Variants in EXPH5 observed in about 807,000 individuals in gnomAD.
EXPH5 encodes the protein exophilin 5.
EXPH5 carries 42 observed loss-of-function variants against 41.1 expected under a neutral mutation model. That is an observed-to-expected ratio of 1.02 (90% CI 0.80 to 1.32). EXPH5 has a LOEUF of 1.32. Among genes scored for constraint, EXPH5 ranks in the 40% most tolerant of loss-of-function variants. The probability of loss-of-function intolerance (pLI) is 0.00; values close to 1 mark genes in which losing one functional copy is unlikely to be tolerated. For missense variants in EXPH5, 2,298 were observed against 2,314.5 expected (o/e 0.99, Z 0.15); for synonymous variants, 798 against 833.5 (o/e 0.96, Z 0.73).
In EXPH5 at chr11:108,539,152, AT is replaced by A. The variant is rs772652329; in HGVS notation, c.314del (p.Asn105MetfsTer2). On this transcript the variant is annotated frameshift_variant, in exon 3 of 6. Coordinates refer to ENST00000265843, the MANE Select transcript of EXPH5 (RefSeq NM_015065.3). LOFTEE classifies it high-confidence loss of function. ...PIELPTSRSK[N>X]VTNQKKPTPF... ...GTGTCGGCTTTTTTTGATTAGTTAC[AT>A]TTTTAGATCTTGATGTAGGTAATTC... 11 of 1,607,812 alleles carry A rather than the reference AT, an allele frequency of 6.8e-6. No individual in the cohort carries two copies. The highest frequency in any genetic ancestry group is 9.3e-6 in the Non-Finnish European group (11 of 1,177,354).
rs571122664 is a variant in EXPH5 at position 108,524,930 on chromosome 11, C to T, written c.492+3206G>A. On this transcript the variant is annotated intron_variant, in intron 4 of 5. Coordinates refer to ENST00000265843, the MANE Select transcript of EXPH5 (RefSeq NM_015065.3). Reference sequence around the variant, plus strand: ...TTCGGTTGTGTCCCCAACCAAATCTCATCTTGAACTGTAGCTCCTATAATT... The same window carrying T: ...TTCGGTTGTGTCCCCAACCAAATCTTATCTTGAACTGTAGCTCCTATAATT... 1.3e-3 allele frequency among the ~76,000 whole-genome samples: 198 copies of T among 152,312 alleles called. 3 individuals are homozygous for T. The highest frequency in any genetic ancestry group is 2.2e-3 in the Non-Finnish European group (147 of 68,036).
At chr11:108,582,234 C>CG (rs906811422) in intron 1 of EXPH5, among the ~76,000 whole-genome samples, 4 of 151,898 alleles carry the variant, frequency 2.6e-5, no homozygotes, top group African/African-American at 4.8e-5. Flanking sequence ...GAGGCTGGGG[C>CG]GGGGGATCAC....
rs1158221233 is a variant in EXPH5, at chr11:108,511,281, T to C, written c.4226A>G (p.Lys1409Arg). 4.4e-6 allele frequency: 7 copies of C among 1,604,948 alleles called. No homozygotes were observed. The highest frequency in any genetic ancestry group is 5.9e-6 in the Non-Finnish European group (7 of 1,177,542). Residue 1409 changes from lysine (K) to arginine (R), a missense_variant, in exon 6 of 6, where the codon AAA becomes AGA. Lys to Arg is a conservative substitution (Grantham distance 26, BLOSUM62 2). Transcript: ENST00000265843. ...AATGGATTGTTGACAATTTTCAGAT[T>C]TTTCTTCGGATACATTTTTTCTCTG... Reference protein sequence around the residue: ...MLQRKNVSEEKSENCQQSINS... With the variant: ...MLQRKNVSEERSENCQQSINS...
intron 1 of EXPH5, among the ~76,000 whole-genome samples, chr11:108,560,011 C>T (rs2094004938): frequency 6.6e-6 from 1 of 152,192 alleles, no homozygotes. Flanking sequence ...GAGACTCTCA[C>T]CACCCTCCTT....
Position 108,511,371 on chromosome 11 carries a change from G to A in EXPH5, c.4136C>T (p.Ser1379Leu). The A allele has an allele frequency of 6.3e-7, 1 of 1,584,842 alleles. No individual in the cohort carries two copies. Among genetic ancestry groups the A allele is most frequent in the Non-Finnish European group, 8.6e-7 (1 of 1,169,180 alleles). ...DNLAKTPLGDSENKKERGKKL... is the reference protein window; with the variant it reads ...DNLAKTPLGDLENKKERGKKL... ...TTTGCCTCTTTCCTTCTTGTTTTCT[G>A]AATCACCTAGAGGTGTTTTAGCTAA... Residue 1379 changes from serine (S) to leucine (L), a missense_variant, in exon 6 of 6, where the codon TCA (serine) becomes TTA (leucine). Transcript: ENST00000265843.
chr11:108,546,623 C>T (rs1591721730), intron 1 of EXPH5, among the ~76,000 whole-genome samples: 1 of 152,216 alleles, frequency 6.6e-6, no homozygotes, highest in East Asian at 1.9e-4. Flanking sequence ...CTTAACATTA[C>T]CAAAACTTTA....
chr11:108,558,845 C>T (rs930317849), intron 1 of EXPH5, among the ~76,000 whole-genome samples: 4 of 152,066 alleles, frequency 2.6e-5, no homozygotes, highest in African/African-American at 7.2e-5. Context: ...TGATGCTGGG[C>T]GCTTCCACCT....
At chr11:108,522,412 T>C (rs2093770943) in intron 4 of EXPH5, among the ~76,000 whole-genome samples, 1 of 152,172 alleles carries the variant, frequency 6.6e-6, no homozygotes, top group African/African-American at 2.4e-5. Context: ...AACTACCCTA[T>C]GGAGTTGGTA....
At chr11:108,595,852 T>C (rs1451297304), upstream of EXPH5, among the ~76,000 whole-genome samples, 3 of 152,154 alleles carry the variant, frequency 2.0e-5, no homozygotes, top group Middle Eastern at 3.2e-3. Flanking sequence ...CTAGACTTCA[T>C]TGTGTAAGCA....
Position 108,510,176 on chromosome 11 carries a change from T to C in EXPH5, c.5331A>G (p.Gln1777=). The change falls in exon 6 of 6, where the codon CAA becomes CAG. Residue 1777 remains glutamine (Q), a synonymous_variant. Coordinates refer to ENST00000265843, the MANE Select transcript of EXPH5 (RefSeq NM_015065.3). ...CCCACTCCAGAGATGAAGCACTCCT[T>C]TGTTGCTGCAGAAAACTGGCCAGTG... The part of the protein sequence containing the change: ...SSPLASFLQQ[Q]RSASSLEWEP... 2 of 1,614,038 alleles carry C rather than the reference T, an allele frequency of 1.2e-6. No individual in the cohort carries two copies. Among genetic ancestry groups the C allele is most frequent in the Non-Finnish European group, 1.7e-6 (2 of 1,180,022 alleles).
intron 3 of EXPH5, among the ~76,000 whole-genome samples, chr11:108,531,688 C>A (rs1465715625): frequency 6.6e-6 from 1 of 152,206 alleles, no homozygotes; most frequent in Non-Finnish European, 1.5e-5. Context: ...CTAACTGGAA[C>A]CCTGGGTGAT....
chr11:108,575,833 G>A (rs1465481603), intron 1 of EXPH5, among the ~76,000 whole-genome samples: 1 of 152,130 alleles, frequency 6.6e-6, no homozygotes, highest in Admixed American at 6.5e-5. Flanking sequence ...AATTAGCCGG[G>A]TGTGGTGGCA....
intron 1 of EXPH5, among the ~76,000 whole-genome samples, chr11:108,544,215 C>T (rs957622094): frequency 3.3e-5 from 5 of 152,158 alleles, no homozygotes; most frequent in African/African-American, 4.8e-5. Flanking sequence ...CTAGAGACAA[C>T]GTCTCACTCT....
At chr11:108,596,559 C>T (rs114259219), upstream of EXPH5, among the ~76,000 whole-genome samples, 1,671 of 152,268 alleles carry the variant, frequency 0.011, 26 homozygotes, top group African/African-American at 0.038. Flanking sequence ...AATTCATCCA[C>T]ATGGCAATTT....
At chr11:108,598,665 C>T (rs952810430), upstream of EXPH5, among the ~76,000 whole-genome samples, 4 of 152,066 alleles carry the variant, frequency 2.6e-5, no homozygotes, top group South Asian at 2.1e-4. Flanking sequence ...TTTGCTAAGA[C>T]ACAGGAGAAG....
rs952498780 is a variant in EXPH5 at position 108,505,651 on chromosome 11, G to A, written c.*3886C>T. ...GGCAATACAGCCACAAACTTGCCTG[G>A]GAAGTAAAATATTTTACATATTTAC... is the stretch of plus-strand genomic sequence containing the variant. On this transcript the variant is annotated 3_prime_UTR_variant, in exon 6 of 6. Coordinates refer to ENST00000265843, the MANE Select transcript of EXPH5 (RefSeq NM_015065.3). The A allele has an allele frequency of 6.6e-6, 1 of 152,076 alleles. No individual in the cohort carries two copies. The highest frequency in any genetic ancestry group is 1.5e-5 in the Non-Finnish European group (1 of 68,022). 9.4% of individuals were successfully genotyped at this position (152,076 alleles called of 1,614,324 possible).
chr11:108,510,581 CA>C lies in EXPH5; in HGVS notation c.4925del (p.Leu1642ArgfsTer18), dbSNP rs764675219. 6.2e-7 allele frequency: 1 copy of C among 1,614,068 alleles called. No individual in the cohort carries two copies. The highest frequency in any genetic ancestry group is 8.5e-7 in the Non-Finnish European group (1 of 1,179,972). Reference sequence around the variant, plus strand: ...CAGATTTTGGAGTAGGCTCAGGGAACAGTGGGTTGCACTCCACTGTGCCAAG... The same window carrying C: ...CAGATTTTGGAGTAGGCTCAGGGAACGTGGGTTGCACTCCACTGTGCCAAG... ...LSLGTVECNP[L>X]FPEPTPKSAE... is the part of the protein sequence containing the mutation. On this transcript the variant is annotated frameshift_variant, in exon 6 of 6. Coordinates refer to ENST00000265843, the MANE Select transcript of EXPH5 (RefSeq NM_015065.3). LOFTEE classifies it low-confidence loss of function (END_TRUNC).
At chr11:108,588,217 A>G (rs1226709607) in intron 1 of EXPH5, among the ~76,000 whole-genome samples, 2 of 152,222 alleles carry the variant, frequency 1.3e-5, no homozygotes, top group African/African-American at 4.8e-5. Flanking sequence ...AATTTTTTCT[A>G]TATAGGCAGA....
In EXPH5 at chr11:108,513,323, T is replaced by G; in HGVS notation, c.2184A>C (p.Gln728His). ...TTGAGATCCCTGTCTGTGAAACAGG[T>G]TGGGGTATTTCACCTGCCTTGTTTG... is the stretch of plus-strand genomic sequence containing the variant. The part of the protein sequence containing the change: ...DQTNKAGEIP[Q>H]PVSQTGISNS... The change falls in exon 6 of 6, where the codon CAA (glutamine) becomes CAC (histidine). Residue 728 changes from glutamine (Q) to histidine (H), a missense_variant. Transcript: ENST00000265843. 1.2e-6 allele frequency: 2 copies of G among 1,613,766 alleles called. No individual in the cohort carries two copies. The highest frequency in any genetic ancestry group is 1.7e-6 in the Non-Finnish European group (2 of 1,179,862).
Sources: gnomAD v4.1 joint callset for allele counts (sites outside exome capture counted in the v4.1 genomes callset) on GRCh38, gnomAD v4.1.1 for gene constraint, MANE v1.5 for transcripts, NCBI Gene and HGNC (gene_info 2026-07-23, HGNC 2026-07-21) for gene names.